Variants in ALG1 observed in about 807,000 individuals in gnomAD.
The protein encoded by ALG1 is chitobiosyldiphosphodolichol beta-mannosyltransferase.
Under a neutral mutation model 55.1 loss-of-function variants are expected in ALG1, and 58 were observed. That is an observed-to-expected ratio of 1.05 (90% CI 0.85 to 1.31). The LOEUF (loss-of-function observed/expected upper bound fraction) is 1.31, where lower values mean the gene tolerates loss of function less well. ALG1 is among the 50% of genes most tolerant of loss of function. The pLI, the probability that ALG1 is intolerant of heterozygous loss-of-function variation, is 0.00. For synonymous variants in ALG1, 309 were observed against 247.0 expected, an observed-to-expected ratio of 1.25 and a Z score of -2.35; for missense variants, 761 against 598.6, an observed-to-expected ratio of 1.27 and a Z score of -2.83.
Position 5,072,963 on chromosome 16 carries a change from A to T in ALG1, c.221A>T (p.His74Leu), listed in dbSNP as rs201337379. The T allele has an allele frequency of 4.8e-5, 77 of 1,614,122 alleles. No individual in the cohort carries two copies. The highest frequency in any genetic ancestry group is 6.8e-6 in the Non-Finnish European group (8 of 1,180,050). Reference protein sequence around the residue: ...TLLGFCNSKPHDELLQNNRIQ... With the variant: ...TLLGFCNSKPLDELLQNNRIQ... The stretch of plus-strand genomic sequence containing the variant: ...TCTCATTTTTCAGACTCCAAACCCC[A>T]TGATGAGCTCTTGCAGAACAACAGA... The change falls in exon 2 of 13, where the codon CAT becomes CTT. Residue 74 changes from histidine (H) to leucine (L), a missense_variant. Coordinates refer to ENST00000262374, the MANE Select transcript of ALG1 (RefSeq NM_019109.5).
At position 5,071,877 on chromosome 16, in the gene ALG1, G is replaced by GCGCTGTGTCTGCTGCTGC. The variant is rs1436106795; in HGVS notation, c.34_51dup (p.Cys12_Leu17dup). On this transcript the variant is annotated inframe_insertion, in exon 1 of 13. Transcript: ENST00000262374. Reference sequence around the variant, plus strand: ...GGCGGCCTCATGCTTGGTCCTGCTGGCGCTGTGTCTGCTGCTGCCGCTGCT... The same window carrying GCGCTGTGTCTGCTGCTGC: ...GGCGGCCTCATGCTTGGTCCTGCTGGCGCTGTGTCTGCTGCTGCCGCTGTGTCTGCTGCTGCCGCTGCT... The GCGCTGTGTCTGCTGCTGC allele has an allele frequency of 9.3e-6, 15 of 1,604,444 alleles. No individual in the cohort carries two copies. In the African/African-American group the frequency reaches 1.1e-4, roughly 11 times the overall value.
chr16:5,073,824 C>G (rs1956863178), intron 3 of ALG1, among the ~76,000 whole-genome samples: 1 of 152,222 alleles, frequency 6.6e-6, no homozygotes, highest in African/African-American at 2.4e-5. Flanking sequence ...AAGTGATTCT[C>G]CTGCCTCAGC....
chr16:5,080,435 G>C (rs1181162675), intron 9 of ALG1, among the ~76,000 whole-genome samples: 1 of 152,198 alleles, frequency 6.6e-6, no homozygotes, highest in East Asian at 1.9e-4. Context: ...AGTTACTGCT[G>C]CTGAGCCCTT....
intron 10 of ALG1, among the ~76,000 whole-genome samples, 177 bp downstream of exon 10, chr16:5,081,233 G>C (rs1957013799): frequency 6.6e-6 from 1 of 152,196 alleles, no homozygotes; most frequent in Admixed American, 6.5e-5. Flanking sequence ...GTGGCCCCAG[G>C]GGCCGTTTAC....
intron 10 of ALG1, among the ~76,000 whole-genome samples, chr16:5,082,132 A>G (rs1957026586): frequency 6.6e-6 from 1 of 150,960 alleles, no homozygotes; most frequent in South Asian, 2.1e-4. Flanking sequence ...TTTAGTAGAG[A>G]TGGGGTTTCA....
Position 5,079,815 on chromosome 16 carries a change from C to T in ALG1, c.961+8C>T, listed in dbSNP as rs371353008. The stretch of plus-strand genomic sequence containing the variant: ...TCGTCTGTGTGATAACAGGTACTGC[C>T]TGGGACCCTGGGTGTCTGTTTGGTT... On this transcript the variant is annotated splice_region_variant and intron_variant, in intron 9 of 12. Coordinates refer to ENST00000262374, the MANE Select transcript of ALG1 (RefSeq NM_019109.5). 14 of 1,611,440 alleles carry T rather than the reference C, an allele frequency of 8.7e-6. No homozygotes were observed. Among genetic ancestry groups the T allele is most frequent in the Middle Eastern group, 2.2e-4 (1 of 4,452 alleles).
chr16:5,084,560 T>C (rs1276782154), intron 12 of ALG1, 190 bp from the exon 13 acceptor site: 3 of 937,630 alleles, frequency 3.2e-6, no homozygotes, highest in Non-Finnish European at 4.9e-6. Flanking sequence ...GCGGGGAAGT[T>C]TCCAGAAACT....
chr16:5,077,424 A>T, intron 4 of ALG1, 21 bp from the exon 5 acceptor site: 1 of 1,608,814 alleles, frequency 6.2e-7, no homozygotes, highest in South Asian at 1.1e-5. Flanking sequence ...GGCTCTGCTG[A>T]CTGCTGATCT....
At chr16:5,072,192 G>GA (rs1187612272) in intron 1 of ALG1, 135 bp downstream of exon 1, 42 of 1,538,788 alleles carry the variant, frequency 2.7e-5, no homozygotes, top group Middle Eastern at 1.7e-4. Context: ...TAGACGAGCG[G>GA]TTCTGCCCCA....
intron 3 of ALG1, 34 bp downstream of exon 3, chr16:5,073,290 C>A: frequency 1.3e-6 from 2 of 1,580,436 alleles, no homozygotes; most frequent in Non-Finnish European, 1.7e-6. Flanking sequence ...TCTGTGAGAG[C>A]CATGTTAGCA....
Position 5,071,904 on chromosome 16 carries a change from C to T in ALG1, c.55C>T (p.Leu19=), listed in dbSNP as rs556671324. The T allele has an allele frequency of 1.0e-5, 16 of 1,599,798 alleles. No homozygotes were observed. In the South Asian group the frequency reaches 1.7e-4, roughly 17 times the overall value. The part of the protein sequence containing the change: ...LALCLLLPLL[L]LGGWKRWRRG... ...GCTGTGTCTGCTGCTGCCGCTGCTGCTGCTGGGAGGATGGAAGCGCTGGCG... is the reference window on the plus strand; with the variant it reads ...GCTGTGTCTGCTGCTGCCGCTGCTGTTGCTGGGAGGATGGAAGCGCTGGCG... The change falls in exon 1 of 13, where the codon CTG becomes TTG. Residue 19 remains leucine (L), a synonymous_variant. Coordinates refer to ENST00000262374, the MANE Select transcript of ALG1 (RefSeq NM_019109.5).
At chr16:5,084,530 A>AGT in intron 12 of ALG1, 2 of 733,290 alleles carry the variant, frequency 2.7e-6, no homozygotes. Context: ...CAGGGCACCA[A>AGT]GTGTGGGAAA....
chr16:5,076,003 G>T (rs1956906223), intron 4 of ALG1, among the ~76,000 whole-genome samples: 1 of 152,180 alleles, frequency 6.6e-6, no homozygotes, highest in Admixed American at 6.5e-5. Context: ...ATGGACAGAG[G>T]GTGGGTGAGG....
Position 5,073,047 on chromosome 16 carries a change from C to T in ALG1, c.286+19C>T. On this transcript the variant is annotated intron_variant, in intron 2 of 12. Transcript: ENST00000262374. The stretch of plus-strand genomic sequence containing the variant: ...CTTGCAGGTAGGATGCCGTCAACTC[C>T]AGAATCCTCTGAATCCATGGGCTGG... 1 of 1,613,676 alleles carries T rather than the reference C, an allele frequency of 6.2e-7. No homozygotes were observed. The highest frequency in any genetic ancestry group is 8.5e-7 in the Non-Finnish European group (1 of 1,179,570).
chr16:5,084,758 C>G lies in ALG1; in HGVS notation c.1272C>G (p.Phe424Leu), dbSNP rs1957089844. 1 of 1,596,452 alleles carries G rather than the reference C, an allele frequency of 6.3e-7. No individual in the cohort carries two copies. Among genetic ancestry groups the G allele is most frequent in the Non-Finnish European group, 8.5e-7 (1 of 1,179,780 alleles). The change falls in exon 13 of 13, where the codon TTC (phenylalanine) becomes TTG (leucine). Residue 424 changes from phenylalanine (F) to leucine (L), a missense_variant. Coordinates refer to ENST00000262374, the MANE Select transcript of ALG1 (RefSeq NM_019109.5). ...EELAAQLQMLFSNFPDPAGKL... is the reference protein window; with the variant it reads ...EELAAQLQMLLSNFPDPAGKL... ...TCTTTATTTTTTTGCAGATGCTTTTCTCAAACTTTCCTGATCCTGCGGGCA... is the reference window on the plus strand; with the variant it reads ...TCTTTATTTTTTTGCAGATGCTTTTGTCAAACTTTCCTGATCCTGCGGGCA...
intron 9 of ALG1, 124 bp from the exon 10 acceptor site, chr16:5,080,822 T>C: frequency 7.4e-7 from 1 of 1,349,438 alleles, no homozygotes; most frequent in Admixed American, 1.7e-5. Flanking sequence ...GGGGCCTGAC[T>C]GGAGCTGCTG....
intron 10 of ALG1, among the ~76,000 whole-genome samples, chr16:5,081,299 TCTTC>T (rs1052954963): frequency 2.0e-5 from 3 of 152,176 alleles, no homozygotes; most frequent in African/African-American, 7.2e-5. Flanking sequence ...CATTCAGTCC[TCTTC>T]CTTCCTGCAG....
chr16:5,083,313 C>T (rs1300426215), intron 11 of ALG1, among the ~76,000 whole-genome samples: 3 of 152,158 alleles, frequency 2.0e-5, no homozygotes, highest in African/African-American at 7.2e-5. Context: ...AAACCTGGTG[C>T]CCTAGAAAAG....
intron 1 of ALG1, among the ~76,000 whole-genome samples, 173 bp from the exon 2 acceptor site, chr16:5,072,778 G>A (rs894758875): frequency 6.6e-5 from 10 of 152,310 alleles, no homozygotes; most frequent in African/African-American, 1.9e-4. Context: ...GCCTCCTAGA[G>A]CAATCTGAAC....
Sources: gnomAD v4.1 joint callset for allele counts (sites outside exome capture counted in the v4.1 genomes callset) on GRCh38, gnomAD v4.1.1 for gene constraint, MANE v1.5 for transcripts, NCBI Gene and HGNC (gene_info 2026-07-23, HGNC 2026-07-21) for gene names.